CD2AP: variants seen among roughly 807,000 people sequenced by gnomAD.
CD2AP encodes the protein CD2-associated protein.
In CD2AP, 46 loss-of-function variants were observed where a neutral mutation model predicts 85.1. The ratio of observed to expected loss-of-function variants is 0.54; its 90% CI spans 0.43 to 0.69. CD2AP has a LOEUF of 0.69. CD2AP is among the 30% of genes least tolerant of loss of function. The pLI is 0.00. For synonymous variants in CD2AP, 255 were observed against 252.9 expected, an observed-to-expected ratio of 1.01 and a Z score of -0.08; for missense variants, 769 against 729.5, an observed-to-expected ratio of 1.05 and a Z score of -0.62.
chr6:47,501,496 A>G (rs1765996041), intron 1 of CD2AP, among the ~76,000 whole-genome samples: 1 of 152,080 alleles, frequency 6.6e-6, no homozygotes, highest in Non-Finnish European at 1.5e-5. Context: ...CTTCGCCTGT[A>G]AAGTACAGGG....
intron 1 of CD2AP, among the ~76,000 whole-genome samples, chr6:47,496,486 A>T (rs1335352682): frequency 6.6e-6 from 1 of 152,190 alleles, no homozygotes; most frequent in African/African-American, 2.4e-5. Context: ...TCTCTAAGGG[A>T]AATAAAATAG....
chr6:47,568,767 C>T (rs1030706835), intron 5 of CD2AP, among the ~76,000 whole-genome samples: 2 of 101,794 alleles, frequency 2.0e-5, no homozygotes, highest in African/African-American at 3.4e-5. Context: ...AATAAGGAAA[C>T]GATGGATTTA....
At chr6:47,611,940 T>C (rs7744719) in intron 16 of CD2AP, among the ~76,000 whole-genome samples, 4,519 of 152,148 alleles carry the variant, frequency 0.03, 210 homozygotes, top group African/African-American at 0.095. Flanking sequence ...TATAGAAAGA[T>C]TAGAAGGGAA....
chr6:47,514,071 G>C (rs184251966), intron 2 of CD2AP, among the ~76,000 whole-genome samples: 2 of 152,140 alleles, frequency 1.3e-5, no homozygotes, highest in East Asian at 3.9e-4. Context: ...ATTTCTAGTA[G>C]TTCTTAATGT....
chr6:47,576,870 A>C (rs1768328176), intron 7 of CD2AP, 139 bp from the exon 8 acceptor site: 1 of 665,558 alleles, frequency 1.5e-6, no homozygotes, highest in Non-Finnish European at 2.7e-6. Context: ...GGTATTGACT[A>C]TAAGTATTTT....
chr6:47,478,985 A>G (rs867129668), intron 1 of CD2AP, among the ~76,000 whole-genome samples: 3 of 152,354 alleles, frequency 2.0e-5, no homozygotes, highest in Middle Eastern at 3.4e-3. Context: ...GTTTGAAGTT[A>G]GAGAAGGCAG....
chr6:47,613,330 A>G (rs1229709428), intron 17 of CD2AP, among the ~76,000 whole-genome samples: 1 of 152,168 alleles, frequency 6.6e-6, no homozygotes, highest in East Asian at 1.9e-4. Context: ...TAGCCTTCCA[A>G]AATGTGTATC....
chr6:47,596,052 G>A (rs1422033073), intron 12 of CD2AP, 26 bp downstream of exon 12: 1 of 1,571,826 alleles, frequency 6.4e-7, no homozygotes. Flanking sequence ...TTTTAAATTA[G>A]CTTACTGATT....
intron 9 of CD2AP, among the ~76,000 whole-genome samples, chr6:47,580,525 T>G (rs935782825): frequency 1.3e-5 from 2 of 152,022 alleles, no homozygotes; most frequent in Admixed American, 1.3e-4. Context: ...CAACCCCAGC[T>G]GCAAAAGAGG....
intron 11 of CD2AP, among the ~76,000 whole-genome samples, chr6:47,584,686 T>C (rs1453426451): frequency 5.3e-5 from 8 of 152,124 alleles, no homozygotes; most frequent in Non-Finnish European, 2.9e-5. Flanking sequence ...TATTCTTTTT[T>C]TATACTTAAG....
At chr6:47,537,439 T>C (rs1767081982) in intron 3 of CD2AP, among the ~76,000 whole-genome samples, 1 of 152,124 alleles carries the variant, frequency 6.6e-6, no homozygotes, top group African/African-American at 2.4e-5. Flanking sequence ...CAGGGTAGGC[T>C]GTTCTAACTT....
intron 16 of CD2AP, among the ~76,000 whole-genome samples, chr6:47,610,197 C>G (rs1037963274): frequency 6.6e-6 from 1 of 152,050 alleles, no homozygotes; most frequent in African/African-American, 2.4e-5. Context: ...GAACTCAAAC[C>G]CATATTATCT....
In CD2AP at chr6:47,546,712, C is replaced by T. The variant is rs1767374056; in HGVS notation, c.420+2006C>T. On this transcript the variant is annotated intron_variant, in intron 4 of 17. Transcript: ENST00000359314. Reference sequence around the variant, plus strand: ...GAAATTTATCACAAAAAGATTATCACCTGGGCACATTGTCATCAGGTTATC... The same window carrying T: ...GAAATTTATCACAAAAAGATTATCATCTGGGCACATTGTCATCAGGTTATC... Among the ~76,000 whole-genome samples, 12 of 152,182 alleles carry T rather than the reference C, an allele frequency of 7.9e-5. No homozygotes were observed. The South Asian group carries it at 2.5e-3, about 31-fold the overall frequency.
chr6:47,624,168 T>G lies in CD2AP; in HGVS notation c.1879-18T>G. On this transcript the variant is annotated intron_variant, in intron 17 of 17. Coordinates refer to ENST00000359314, the MANE Select transcript of CD2AP (RefSeq NM_012120.3). ...TAAGGATATTTTATGTTTGCTCAAT[T>G]TATGTTTTTTGTTTTAGATGGAAAT... The G allele has an allele frequency of 1.3e-6, 2 of 1,591,670 alleles. No homozygotes were observed. The highest frequency in any genetic ancestry group is 1.7e-6 in the Non-Finnish European group (2 of 1,159,990).
At chr6:47,516,408 A>G (rs867914576) in intron 2 of CD2AP, among the ~76,000 whole-genome samples, 4 of 152,256 alleles carry the variant, frequency 2.6e-5, no homozygotes, top group African/African-American at 9.6e-5. Flanking sequence ...TCATTGGCCC[A>G]TAGCAATGAT....
At chr6:47,478,361 AC>A in intron 1 of CD2AP, 113 bp downstream of exon 1, 1 of 1,219,746 alleles carries the variant, frequency 8.2e-7, no homozygotes, top group Non-Finnish European at 1.2e-6. Flanking sequence ...GAGCGGCAGC[AC>A]CCCACCCTCT....
chr6:47,564,315 A>C (rs944284464), intron 5 of CD2AP, among the ~76,000 whole-genome samples: 1 of 151,794 alleles, frequency 6.6e-6, no homozygotes, highest in African/African-American at 2.4e-5. Flanking sequence ...AAATTAAAGC[A>C]TATGAGTGAA....
At chr6:47,600,380 A>G (rs1303628042) in intron 13 of CD2AP, among the ~76,000 whole-genome samples, 4 of 151,954 alleles carry the variant, frequency 2.6e-5, no homozygotes, top group Admixed American at 1.3e-4. Context: ...GGGCAGTTAC[A>G]CTTAGATGTT....
At chr6:47,564,517 A>T (rs1767941869) in intron 5 of CD2AP, among the ~76,000 whole-genome samples, 1 of 152,120 alleles carries the variant, frequency 6.6e-6, no homozygotes, top group African/African-American at 2.4e-5. Context: ...GCAGAATTTT[A>T]TCTGTTAGAA....
Sources: gnomAD v4.1 joint callset for allele counts (sites outside exome capture counted in the v4.1 genomes callset) on GRCh38, gnomAD v4.1.1 for gene constraint, MANE v1.5 for transcripts, NCBI Gene and HGNC (gene_info 2026-07-23, HGNC 2026-07-21) for gene names.